The following ZNF654 variants were observed in gnomAD, a reference collection of about 807,000 sequenced individuals.
ZNF654 encodes melanoma-associated antigen.
In ZNF654, 19 loss-of-function variants were observed where a neutral mutation model predicts 95.3. That is an observed-to-expected ratio of 0.20 (90% CI 0.14 to 0.29). ZNF654 has a LOEUF of 0.29. ZNF654 is among the 10% of genes least tolerant of loss of function. The pLI, the probability that ZNF654 is intolerant of heterozygous loss-of-function variation, is 1.00. For missense variants in ZNF654, 1,046 were observed against 1,341.0 expected (o/e 0.78, Z 3.44); for synonymous variants, 413 against 457.9 (o/e 0.90, Z 1.25).
intron 2 of ZNF654, among the ~76,000 whole-genome samples, chr3:88,099,390 G>A (rs559866988): frequency 2.0e-5 from 3 of 152,210 alleles, no homozygotes; most frequent in Admixed American, 6.5e-5. Context: ...TTGTGAAAAC[G>A]GCCATACTGC....
intron 3 of ZNF654, among the ~76,000 whole-genome samples, chr3:88,115,441 G>A (rs1705332308): frequency 1.3e-5 from 2 of 152,184 alleles, no homozygotes; most frequent in Admixed American, 6.5e-5. Flanking sequence ...TGAGTAAAGT[G>A]CTTGGCATAA....
intron 6 of ZNF654, among the ~76,000 whole-genome samples, chr3:88,131,580 A>G (rs1218855835): frequency 1.3e-5 from 2 of 151,958 alleles, no homozygotes; most frequent in Non-Finnish European, 2.9e-5. Context: ...ACCCATTTCT[A>G]CTCTTTAGGG....
At chr3:88,064,195 C>T (rs1014882683) in intron 1 of ZNF654, among the ~76,000 whole-genome samples, 30 of 151,454 alleles carry the variant, frequency 2.0e-4, no homozygotes, top group Middle Eastern at 3.2e-3. Flanking sequence ...TCTCCAGAGG[C>T]TATCACTGGC....
chr3:88,141,710 G>T lies in ZNF654; in HGVS notation c.*58G>T. 1 of 1,348,840 alleles carries T rather than the reference G, an allele frequency of 7.4e-7. No homozygotes were observed. The highest frequency in any genetic ancestry group is 1.4e-5 in the African/African-American group (1 of 69,200). The allele number at this position is 1,348,840 out of a possible 1,614,324, so 83.6% of individuals were successfully genotyped here. On this transcript the variant is annotated 3_prime_UTR_variant, in exon 9 of 9. Coordinates refer to ENST00000636215, the MANE Select transcript of ZNF654 (RefSeq NM_001350134.2). ...CAGTAGTGTGAAAAAAGCACTATAA[G>T]AAAATGCATCATCAGTTTGCTATTT...
intron 2 of ZNF654, among the ~76,000 whole-genome samples, chr3:88,108,292 G>A (rs1358964057): frequency 2.0e-5 from 3 of 151,954 alleles, no homozygotes; most frequent in African/African-American, 7.3e-5. Context: ...ATATACTGGT[G>A]TAGCTATTTG....
Position 88,059,441 on chromosome 3 carries a change from G to A in ZNF654, c.122G>A (p.Gly41Asp). The stretch of plus-strand genomic sequence containing the variant: ...GCGGGCGACGGCAGAGGCGGCGCTG[G>A]CAGCGGCAACTGCGGCGGCGGCGTC... ...RAAGDGRGGA[G>D]SGNCGGGVGI... The change falls in exon 1 of 9, where the codon GGC (glycine) becomes GAC (aspartate). Residue 41 changes from glycine to aspartate, a missense_variant. Gly to Asp is a moderately conservative substitution (Grantham distance 94). This residue lies in a region of ZNF654 where 89 missense variants were observed against 77.9 expected (regional missense o/e 1.14). Transcript: ENST00000636215. 1 of 1,522,900 alleles carries A rather than the reference G, an allele frequency of 6.6e-7. No individual in the cohort carries two copies. The highest frequency in any genetic ancestry group is 8.8e-7 in the Non-Finnish European group (1 of 1,142,410). The allele number at this position is 1,522,900 out of a possible 1,614,324, so 94.3% of individuals were successfully genotyped here. A position where few individuals can be genotyped will look rare whatever the true frequency, so the allele number is the denominator to read the frequency against.
intron 1 of ZNF654, among the ~76,000 whole-genome samples, chr3:88,086,026 G>C (rs528895906): frequency 7.2e-5 from 11 of 152,198 alleles, no homozygotes; most frequent in Admixed American, 2.0e-4. Flanking sequence ...ATTGGTAGTT[G>C]AATAGTACAG....
intron 2 of ZNF654, among the ~76,000 whole-genome samples, chr3:88,094,716 T>C (rs1703955679): frequency 6.6e-6 from 1 of 152,118 alleles, no homozygotes. Context: ...GTAAGTACAT[T>C]TGAATTTTTT....
At chr3:88,078,666 C>T (rs1707934877) in intron 1 of ZNF654, among the ~76,000 whole-genome samples, 1 of 152,034 alleles carries the variant, frequency 6.6e-6, no homozygotes, top group Non-Finnish European at 1.5e-5. Flanking sequence ...CAGGTCATTC[C>T]AAATTTTTGT....
At chr3:88,097,564 T>C (rs572980498) in intron 2 of ZNF654, among the ~76,000 whole-genome samples, 2 of 152,216 alleles carry the variant, frequency 1.3e-5, no homozygotes, top group Admixed American at 1.3e-4. Flanking sequence ...TATTCCAAAA[T>C]TGACCACATA....
At chr3:88,141,172 T>C in intron 8 of ZNF654, 124 bp downstream of exon 8, 1 of 1,110,152 alleles carries the variant, frequency 9.0e-7, no homozygotes, top group Non-Finnish European at 1.2e-6. Flanking sequence ...GAAGCATTAC[T>C]CCATACATTA....
In ZNF654 at chr3:88,140,574, A is replaced by G. The variant is rs757980594; in HGVS notation, c.2905A>G (p.Asn969Asp). ...KMPDIEPNSE[N>D]NCSSSDIVNG... The stretch of plus-strand genomic sequence containing the variant: ...GCCTGACATAGAGCCAAATTCTGAA[A>G]ATAATTGTAGTAGTAGTGATATAGT... Residue 969 changes from asparagine to aspartate, a missense_variant, in exon 8 of 9, where the codon AAT becomes GAT. Asn to Asp is a conservative substitution (Grantham distance 23, BLOSUM62 1). Transcript: ENST00000636215. 4.3e-6 allele frequency: 7 copies of G among 1,613,770 alleles called. No homozygotes were observed. Among genetic ancestry groups the G allele is most frequent in the Non-Finnish European group, 5.9e-6 (7 of 1,179,724 alleles).
At chr3:88,060,137 C>T (rs985283695) in intron 1 of ZNF654, among the ~76,000 whole-genome samples, 1 of 152,038 alleles carries the variant, frequency 6.6e-6, no homozygotes, top group Admixed American at 6.6e-5. Flanking sequence ...TAACCTCCTT[C>T]GGTTGACACA....
chr3:88,114,280 G>A (rs1460707418), intron 3 of ZNF654, among the ~76,000 whole-genome samples: 1 of 152,108 alleles, frequency 6.6e-6, no homozygotes, highest in East Asian at 1.9e-4. Flanking sequence ...AGTATTAAAT[G>A]GGGAGGTAAA....
chr3:88,068,230 G>A lies in ZNF654; in HGVS notation c.186+8725G>A, dbSNP rs372889698. Among the ~76,000 whole-genome samples the A allele has an allele frequency of 1.6e-4, 25 of 152,042 alleles. 1 individual carries two copies. The East Asian group carries it at 2.1e-3, about 13-fold the overall frequency. ...TTGTTCATCAGTGCTTATTTGTCTC[G>A]GTGAAGGTGTGAAAAATGAGTTACA... On this transcript the variant is annotated intron_variant, in intron 1 of 8. Transcript: ENST00000636215.
chr3:88,116,381 G>T (rs1705393688), intron 3 of ZNF654, among the ~76,000 whole-genome samples: 1 of 151,866 alleles, frequency 6.6e-6, no homozygotes, highest in African/African-American at 2.4e-5. Flanking sequence ...TTAGCAGGTC[G>T]TGGCGGCTCA....
chr3:88,116,258 C>T (rs555108583), intron 3 of ZNF654, among the ~76,000 whole-genome samples: 2 of 152,064 alleles, frequency 1.3e-5, no homozygotes, highest in African/African-American at 4.8e-5. Flanking sequence ...TAGTGGTTCA[C>T]CCCTGTAATC....
rs1706091989 is a variant in ZNF654, at chr3:88,126,281, G to T, written c.550+12G>T. ...ATCTCAGGAGATAGGTACTTCAGGA[G>T]ATTCAAAATCAAACCAACATTTGTG... On this transcript the variant is annotated intron_variant, in intron 4 of 8. Coordinates refer to ENST00000636215, the MANE Select transcript of ZNF654 (RefSeq NM_001350134.2). 6.8e-7 allele frequency: 1 copy of T among 1,467,346 alleles called. No individual in the cohort carries two copies. The highest frequency in any genetic ancestry group is 9.0e-7 in the Non-Finnish European group (1 of 1,111,728). The allele number at this position is 1,467,346 out of a possible 1,614,324, so 90.9% of individuals were successfully genotyped here.
chr3:88,075,373 T>C (rs1216953075), intron 1 of ZNF654, among the ~76,000 whole-genome samples: 5 of 152,254 alleles, frequency 3.3e-5, no homozygotes. Context: ...TTGTGCTACC[T>C]GGGCTGTTGC....
Sources: allele counts gnomAD v4.1 joint callset (sites outside exome capture counted in the v4.1 genomes callset), GRCh38; gene constraint gnomAD v4.1.1; regional missense constraint gnomAD v4.1.1; transcripts MANE v1.5; gene names NCBI Gene and HGNC (gene_info 2026-07-23, HGNC 2026-07-21).